Variants in CCSER1 observed in about 807,000 individuals in gnomAD.
CCSER1 encodes coiled-coil serine rich protein 1, also known as serine-rich coiled-coil domain-containing protein 1.
CCSER1 carries 41 observed loss-of-function variants against 82.0 expected under a neutral mutation model. That is an observed-to-expected ratio of 0.50 (90% CI 0.39 to 0.65). The LOEUF is 0.65. CCSER1 is among the 30% of genes least tolerant of loss of function. The pLI, the probability that CCSER1 is intolerant of heterozygous loss-of-function variation, is 0.00. For missense variants in CCSER1, 1,119 were observed against 1,064.2 expected, an observed-to-expected ratio of 1.05 and a Z score of -0.72; for synonymous variants, 414 against 383.9, an observed-to-expected ratio of 1.08 and a Z score of -0.92.
intron 1 of CCSER1, among the ~76,000 whole-genome samples, chr4:90,233,081 C>G (rs1334610515): frequency 6.6e-6 from 1 of 152,050 alleles, no homozygotes; most frequent in Non-Finnish European, 1.5e-5. Context: ...CCTCAGGGAT[C>G]TAGAACTAGA....
At chr4:91,577,663 A>G (rs1229502992) in intron 10 of CCSER1, among the ~76,000 whole-genome samples, 1 of 152,016 alleles carries the variant, frequency 6.6e-6, no homozygotes, top group Non-Finnish European at 1.5e-5. Flanking sequence ...GTTAAGCGAT[A>G]CTTGAGAATA....
Position 90,448,485 on chromosome 4 carries a change from A to ATT in CCSER1, c.1604-19749_1604-19748insTT, listed in dbSNP as rs1553914348. Among the ~76,000 whole-genome samples, 154 of 124,064 alleles carry ATT rather than the reference A, an allele frequency of 1.2e-3. 1 individual carries two copies. The highest frequency in any genetic ancestry group is 4.9e-3 in the African/African-American group (150 of 30,538). The allele number at this position is 124,064 out of a possible 152,430, so 81.4% of individuals were successfully genotyped here. A position where few individuals can be genotyped will look rare whatever the true frequency, so the allele number is the denominator to read the frequency against. On this transcript the variant is annotated intron_variant, in intron 4 of 10. Transcript: ENST00000509176. ...TATATATATATATATATATATATAT[A>ATT]GCACTTTTCTTCTATTGTTTTCTAC...
chr4:91,265,652 T>C (rs905820509), intron 10 of CCSER1, among the ~76,000 whole-genome samples: 1 of 152,214 alleles, frequency 6.6e-6, no homozygotes, highest in Non-Finnish European at 1.5e-5. Context: ...CATACTTTTT[T>C]TATTGTAGTT....
chr4:91,161,464 A>T (rs1383579784), intron 10 of CCSER1, among the ~76,000 whole-genome samples: 4 of 152,104 alleles, frequency 2.6e-5, no homozygotes, highest in African/African-American at 9.7e-5. Context: ...CTTGGTGGGG[A>T]TGGCATTGAA....
chr4:90,714,897 C>A (rs967965703), intron 6 of CCSER1, among the ~76,000 whole-genome samples: 6 of 151,842 alleles, frequency 4.0e-5, no homozygotes, highest in African/African-American at 1.5e-4. Flanking sequence ...GTTGTATTTT[C>A]TATAGTAGAT....
chr4:90,401,390 A>T (rs1189599999), intron 4 of CCSER1, among the ~76,000 whole-genome samples: 4 of 152,238 alleles, frequency 2.6e-5, no homozygotes, highest in Admixed American at 2.6e-4. Flanking sequence ...CAAAATATTT[A>T]TAATGGAAAA....
At position 90,524,718 on chromosome 4, in the gene CCSER1, C is replaced by T. The variant is rs554429750; in HGVS notation, c.1724+56364C>T. On this transcript the variant is annotated intron_variant, in intron 5 of 10. Coordinates refer to ENST00000509176, the MANE Select transcript of CCSER1 (RefSeq NM_001145065.2). ...TGTTGACCTCATGATCCGTCTGCCTCGGCCTCCCAAAGTGCTGGGATTACA... is the reference window on the plus strand; with the variant it reads ...TGTTGACCTCATGATCCGTCTGCCTTGGCCTCCCAAAGTGCTGGGATTACA... 5.3e-5 allele frequency among the ~76,000 whole-genome samples: 8 copies of T among 152,236 alleles called. 1 individual carries two copies. Among genetic ancestry groups the T allele is most frequent in the Middle Eastern group, 6.8e-3 (2 of 294 alleles).
intron 5 of CCSER1, among the ~76,000 whole-genome samples, chr4:90,573,015 A>G (rs2148582083): frequency 6.6e-6 from 1 of 152,318 alleles, no homozygotes; most frequent in South Asian, 2.1e-4. Flanking sequence ...GTGCATTAGA[A>G]ACCTGGGACA....
intron 10 of CCSER1, among the ~76,000 whole-genome samples, chr4:91,307,581 T>C (rs1164437236): frequency 6.6e-6 from 1 of 152,014 alleles, no homozygotes; most frequent in Non-Finnish European, 1.5e-5. Context: ...AAGCAGGTTA[T>C]ATGTTGTGGT....
At chr4:91,529,807 T>C (rs926993425) in intron 10 of CCSER1, among the ~76,000 whole-genome samples, 2 of 152,136 alleles carry the variant, frequency 1.3e-5, no homozygotes, top group Admixed American at 6.6e-5. Flanking sequence ...CTTTATTTCA[T>C]CTCTGAAAAA....
At chr4:91,536,619 C>T (rs1351944288) in intron 10 of CCSER1, among the ~76,000 whole-genome samples, 3 of 152,086 alleles carry the variant, frequency 2.0e-5, no homozygotes, top group Non-Finnish European at 4.4e-5. Flanking sequence ...TGCTTTGGCA[C>T]CCAGTCTGAG....
chr4:91,570,084 A>G (rs918656742), intron 10 of CCSER1, among the ~76,000 whole-genome samples: 2 of 152,184 alleles, frequency 1.3e-5, no homozygotes, highest in Non-Finnish European at 2.9e-5. Flanking sequence ...GGTAGTCATC[A>G]AACCTTAAAG....
At chr4:90,367,843 T>TTGG (rs1157144148) in intron 3 of CCSER1, among the ~76,000 whole-genome samples, 1 of 151,760 alleles carries the variant, frequency 6.6e-6, no homozygotes, top group Non-Finnish European at 1.5e-5. Flanking sequence ...ATGAGCATGC[T>TTGG]TGGGGTCCCT....
chr4:91,085,352 C>A (rs1267318446), intron 9 of CCSER1, among the ~76,000 whole-genome samples: 1 of 151,990 alleles, frequency 6.6e-6, no homozygotes, highest in Non-Finnish European at 1.5e-5. Flanking sequence ...CTTTTAATGA[C>A]AAAATTGACT....
At chr4:90,735,582 T>C (rs1311951399) in intron 7 of CCSER1, among the ~76,000 whole-genome samples, 1 of 152,164 alleles carries the variant, frequency 6.6e-6, no homozygotes, top group Non-Finnish European at 1.5e-5. Flanking sequence ...TATCCATTTC[T>C]TCTACATTTT....
intron 5 of CCSER1, among the ~76,000 whole-genome samples, chr4:90,509,253 C>T (rs1231381736): frequency 1.3e-5 from 2 of 152,106 alleles, no homozygotes; most frequent in African/African-American, 4.8e-5. Flanking sequence ...TTTTACTTCA[C>T]ACTTCCTTTT....
intron 8 of CCSER1, among the ~76,000 whole-genome samples, chr4:90,901,602 A>G (rs1724664256): frequency 6.6e-6 from 1 of 152,060 alleles, no homozygotes; most frequent in South Asian, 2.1e-4. Context: ...GAGGGTAAAA[A>G]TAGGCCCCCA....
chr4:90,420,972 T>TG (rs1219393649), intron 4 of CCSER1, among the ~76,000 whole-genome samples: 6 of 152,260 alleles, frequency 3.9e-5, no homozygotes, highest in Non-Finnish European at 1.5e-5. Context: ...GCTTGAATAA[T>TG]GCCAGGAACA....
At chr4:90,807,324 G>T (rs1464381916) in intron 7 of CCSER1, among the ~76,000 whole-genome samples, 1 of 152,162 alleles carries the variant, frequency 6.6e-6, no homozygotes, top group African/African-American at 2.4e-5. Flanking sequence ...TATTAAAAAT[G>T]AGTATAATCC....
Sources: gnomAD v4.1 joint callset for allele counts (sites outside exome capture counted in the v4.1 genomes callset) on GRCh38, gnomAD v4.1.1 for gene constraint, MANE v1.5 for transcripts, NCBI Gene and HGNC (gene_info 2026-07-23, HGNC 2026-07-21) for gene names.